The following ZBTB38 variants were observed in gnomAD, a reference collection of about 807,000 sequenced individuals.
ZBTB38 encodes zinc finger and BTB domain containing 38, also known as zinc finger and BTB domain-containing protein 38.
A neutral mutation model predicts 76.8 loss-of-function variants in ZBTB38; 20 were observed. The ratio of observed to expected loss-of-function variants is 0.26; its 90% confidence interval spans 0.18 to 0.38. The LOEUF is 0.38. ZBTB38 is among the 10% of genes least tolerant of loss of function. The pLI, the probability that ZBTB38 is intolerant of heterozygous loss-of-function variation, is 1.00. For synonymous variants in ZBTB38, 504 were observed against 544.2 expected, an observed-to-expected ratio of 0.93 and a Z score of 1.03; for missense variants, 1,082 against 1,482.3, an observed-to-expected ratio of 0.73 and a Z score of 4.43.
upstream of ZBTB38, among the ~76,000 whole-genome samples, chr3:141,365,715 G>A (rs1256902215): frequency 6.6e-6 from 1 of 152,042 alleles, no homozygotes; most frequent in East Asian, 1.9e-4. Flanking sequence ...TGGTCATCTA[G>A]GGCTGGTAGG....
chr3:141,448,548 T>A lies in ZBTB38; in HGVS notation c.*2572T>A, dbSNP rs1003305668. 3.9e-5 allele frequency: 6 copies of A among 152,534 alleles called. No individual in the cohort carries two copies. Among genetic ancestry groups the A allele is most frequent in the African/African-American group, 1.4e-4 (6 of 41,458 alleles). 9.4% of individuals were successfully genotyped at this position (152,534 alleles called of 1,614,324 possible). Reference sequence around the variant, plus strand: ...TAAACAGTGAACATACTGTATGCTGTACAAGATATAATGTAACTTGCTGTT... The same window carrying A: ...TAAACAGTGAACATACTGTATGCTGAACAAGATATAATGTAACTTGCTGTT... On this transcript the variant is annotated 3_prime_UTR_variant, in exon 6 of 6. Transcript: ENST00000321464.
In ZBTB38 at chr3:141,371,691, T is replaced by A. The variant is rs531464845; in HGVS notation, c.-235+1745T>A. 1.4e-4 allele frequency among the ~76,000 whole-genome samples: 22 copies of A among 152,326 alleles called. No homozygotes were observed. The East Asian group carries it at 4.2e-3, about 29-fold the overall frequency. On this transcript the variant is annotated intron_variant, in intron 2 of 5. Coordinates refer to ENST00000321464, the MANE Select transcript of ZBTB38 (RefSeq NM_001376113.1). ...AAAAGTCTCAGGCTGGGGCTATTAA[T>A]GCTACCCCAAAAGATGTGATATATA...
intron 1 of ZBTB38, among the ~76,000 whole-genome samples, chr3:141,361,239 C>T (rs184239877): frequency 3.3e-5 from 5 of 152,092 alleles, no homozygotes; most frequent in Admixed American, 6.5e-5. Flanking sequence ...TTAGATATGG[C>T]GGGGAGGGGA....
intron 3 of ZBTB38, among the ~76,000 whole-genome samples, chr3:141,385,730 A>G (rs779027612): frequency 6.6e-6 from 1 of 151,526 alleles, no homozygotes; most frequent in Non-Finnish European, 1.5e-5. Flanking sequence ...GAATTCTTGA[A>G]TGTTTTTTAT....
At chr3:141,328,724 C>T (rs551671404) in intron 1 of ZBTB38, among the ~76,000 whole-genome samples, 18 of 152,294 alleles carry the variant, frequency 1.2e-4, no homozygotes, top group South Asian at 2.1e-4. Context: ...CCCTCCAAGG[C>T]GCTCTGTCAC....
At chr3:141,364,768 T>G (rs960430429), upstream of ZBTB38, among the ~76,000 whole-genome samples, 1 of 143,488 alleles carries the variant, frequency 7.0e-6, no homozygotes, top group Non-Finnish European at 1.5e-5. Flanking sequence ...GATATACAAG[T>G]GACCAATAAG....
chr3:141,377,629 A>G (rs1945576039), intron 2 of ZBTB38, among the ~76,000 whole-genome samples: 1 of 152,240 alleles, frequency 6.6e-6, no homozygotes, highest in African/African-American at 2.4e-5. Flanking sequence ...ATGAAAACTT[A>G]TGTTCACGCA....
intron 4 of ZBTB38, chr3:141,402,254 G>T (rs1336778756): frequency 1.3e-5 from 2 of 151,998 alleles, no homozygotes; most frequent in African/African-American, 4.8e-5. Flanking sequence ...GGGCCCGCGG[G>T]GCTGCGGGTC....
At chr3:141,358,746 C>T (rs1461127663) in intron 1 of ZBTB38, among the ~76,000 whole-genome samples, 1 of 152,198 alleles carries the variant, frequency 6.6e-6, no homozygotes, top group Non-Finnish European at 1.5e-5. Flanking sequence ...CCATCCCAGC[C>T]CTAAGCAACC....
At chr3:141,340,048 C>A (rs892572259) in intron 1 of ZBTB38, among the ~76,000 whole-genome samples, 5 of 152,198 alleles carry the variant, frequency 3.3e-5, no homozygotes, top group African/African-American at 1.2e-4. Context: ...GCCCTGCATG[C>A]CACCAGGAAT....
At position 141,444,601 on chromosome 3, in the gene ZBTB38, G is replaced by C. The variant is rs757904174; in HGVS notation, c.2213G>C (p.Ser738Thr). 1 of 1,614,214 alleles carries C rather than the reference G, an allele frequency of 6.2e-7. No individual in the cohort carries two copies. Among genetic ancestry groups the C allele is most frequent in the Non-Finnish European group, 8.5e-7 (1 of 1,180,044 alleles). Residue 738 changes from serine to threonine, a missense_variant, in exon 6 of 6, where the codon AGC (serine) becomes ACC (threonine). Ser to Thr is a moderately conservative substitution (Grantham distance 58, BLOSUM62 1). Transcript: ENST00000321464. The surrounding 1 kb of genome is among the most constrained non-coding windows in gnomAD (Gnocchi z 5.1). ...AGCAATGCCATTGCTGCCATGACCA[G>C]CAGCAACCACAGAGCCTTTTCAGAC... ...MHSNAIAAMT[S>T]SNHRAFSDPA...
intron 4 of ZBTB38, among the ~76,000 whole-genome samples, chr3:141,401,842 G>A (rs562666096): frequency 2.6e-5 from 4 of 152,330 alleles, no homozygotes; most frequent in South Asian, 2.1e-4. Context: ...GGTCTTTTGC[G>A]TGAAATAGTT....
intron 5 of ZBTB38, among the ~76,000 whole-genome samples, chr3:141,440,059 T>G (rs1052427878): frequency 4.6e-5 from 7 of 152,204 alleles, no homozygotes; most frequent in African/African-American, 1.7e-4. Flanking sequence ...CATTCTAGTT[T>G]TATTTGTAGA....
At chr3:141,331,649 G>T (rs1414398770) in intron 1 of ZBTB38, among the ~76,000 whole-genome samples, 2 of 152,158 alleles carry the variant, frequency 1.3e-5, no homozygotes, top group African/African-American at 4.8e-5. Flanking sequence ...CTTCAACATG[G>T]GGCCATTCTT....
At chr3:141,408,615 A>C (rs915328989) in intron 5 of ZBTB38, among the ~76,000 whole-genome samples, 1 of 152,170 alleles carries the variant, frequency 6.6e-6, no homozygotes, top group Non-Finnish European at 1.5e-5. Flanking sequence ...TTGTTTATTC[A>C]CAACAAAGGA....
intron 1 of ZBTB38, among the ~76,000 whole-genome samples, chr3:141,340,949 GGAAAGAAAGAAAGAAA>G (rs56095613): frequency 8.9e-6 from 1 of 111,928 alleles, no homozygotes; most frequent in Admixed American, 9.2e-5. Flanking sequence ...AAAGAAAGAA[GGAAAGAAAGAAAGAAA>G]GAAAGAAAGA....
intron 4 of ZBTB38, among the ~76,000 whole-genome samples, chr3:141,393,917 T>C (rs772797170): frequency 6.6e-6 from 1 of 152,242 alleles, no homozygotes; most frequent in Non-Finnish European, 1.5e-5. Flanking sequence ...ACGTTGGCGA[T>C]TGTGAAGCGC....
At chr3:141,342,725 CTTT>C (rs60578286) in intron 1 of ZBTB38, among the ~76,000 whole-genome samples, 1,134 of 108,792 alleles carry the variant, frequency 0.01, 14 homozygotes, top group African/African-American at 0.034. Flanking sequence ...GTCCCATGAT[CTTT>C]TTTTTTTTTT....
intron 2 of ZBTB38, among the ~76,000 whole-genome samples, chr3:141,373,739 G>A (rs182519376): frequency 2.2e-4 from 33 of 152,272 alleles, no homozygotes; most frequent in Admixed American, 1.8e-3. Flanking sequence ...CTCCAAAATA[G>A]TATTGTTAGA....
Sources: gnomAD v4.1 joint callset for allele counts (sites outside exome capture counted in the v4.1 genomes callset) on GRCh38, gnomAD v4.1.1 for gene constraint, Gnocchi (gnomAD v3.1) non-coding constraint, MANE v1.5 for transcripts, NCBI Gene and HGNC (gene_info 2026-07-23, HGNC 2026-07-21) for gene names.